CNTLN: variants seen among roughly 807,000 people sequenced by gnomAD.
CNTLN encodes centlein, centrosomal protein.
In CNTLN, 212 loss-of-function variants were observed where a neutral mutation model predicts 180.0. The observed-to-expected ratio is 1.18, with a 90% confidence interval of 1.05 to 1.32. The LOEUF (loss-of-function observed/expected upper bound fraction) is 1.32, where lower values mean the gene tolerates loss of function less well. CNTLN is among the 40% of genes most tolerant of loss of function. The pLI is 0.00. For missense variants in CNTLN, 2,095 were observed against 1,610.9 expected (o/e 1.30, Z -5.14); for synonymous variants, 722 against 563.1 (o/e 1.28, Z -3.99).
chr9:17,434,909 T>G (rs1390831050), intron 18 of CNTLN, among the ~76,000 whole-genome samples: 1 of 152,130 alleles, frequency 6.6e-6, no homozygotes, highest in Non-Finnish European at 1.5e-5. Flanking sequence ...AGTTAAGAAA[T>G]CTACTGTCAT....
intron 25 of CNTLN, among the ~76,000 whole-genome samples, chr9:17,499,786 C>A (rs533805198): frequency 6.6e-6 from 1 of 152,014 alleles, no homozygotes; most frequent in Non-Finnish European, 1.5e-5. Context: ...TTAATTATGA[C>A]TGAGCCTTAT....
At chr9:17,455,945 G>T (rs1274560175) in intron 18 of CNTLN, among the ~76,000 whole-genome samples, 1 of 152,146 alleles carries the variant, frequency 6.6e-6, no homozygotes, top group East Asian at 1.9e-4. Flanking sequence ...AACCTATGAA[G>T]GGCTTTGATT....
chr9:17,298,368 G>A lies in CNTLN; in HGVS notation c.1146+16G>A. 2 of 1,593,940 alleles carry A rather than the reference G, an allele frequency of 1.3e-6. No homozygotes were observed. The highest frequency in any genetic ancestry group is 8.5e-7 in the Non-Finnish European group (1 of 1,171,932). ...ATATCAAAAAGTATGCTTTTATTCT[G>A]TAATAAAGATGTAAATGTTTATGTA... On this transcript the variant is annotated intron_variant, in intron 7 of 25. Coordinates refer to ENST00000380647, the MANE Select transcript of CNTLN (RefSeq NM_017738.4).
At chr9:17,386,749 A>T (rs1034859515) in intron 13 of CNTLN, among the ~76,000 whole-genome samples, 5 of 152,222 alleles carry the variant, frequency 3.3e-5, no homozygotes, top group African/African-American at 4.8e-5. Flanking sequence ...ATCAGTCTTC[A>T]CCATTTACTT....
chr9:17,221,287 A>G (rs1016280087), intron 2 of CNTLN, among the ~76,000 whole-genome samples: 1 of 152,244 alleles, frequency 6.6e-6, no homozygotes, highest in East Asian at 1.9e-4. Flanking sequence ...ATAAATCAAT[A>G]AAAACACACT....
intron 2 of CNTLN, among the ~76,000 whole-genome samples, chr9:17,174,426 C>T (rs573176698): frequency 5.3e-5 from 8 of 152,184 alleles, no homozygotes; most frequent in South Asian, 4.2e-4. Flanking sequence ...CTGGGTGCAG[C>T]GGCTTATGCC....
In CNTLN at chr9:17,273,941, T is replaced by C. The variant is rs1043831057; in HGVS notation, c.983+75T>C. On this transcript the variant is annotated intron_variant, in intron 6 of 25. Coordinates refer to ENST00000380647, the MANE Select transcript of CNTLN (RefSeq NM_017738.4). ...TTCAGAATGATACCATTTATACTTA[T>C]TACTAACACCCTAAAATAATAACTA... 32 of 1,063,986 alleles carry C rather than the reference T, an allele frequency of 3.0e-5. 1 individual carries two copies. Among genetic ancestry groups the C allele is most frequent in the Admixed American group, 5.6e-5 (2 of 35,746 alleles). 65.9% of individuals were successfully genotyped at this position (1,063,986 alleles called of 1,614,324 possible).
At chr9:17,143,059 C>T (rs1272709100) in intron 1 of CNTLN, among the ~76,000 whole-genome samples, 1 of 152,164 alleles carries the variant, frequency 6.6e-6, no homozygotes, top group Non-Finnish European at 1.5e-5. Context: ...AGCATTTCAA[C>T]AGTTGCATCC....
chr9:17,135,643 C>G (rs76422101), intron 1 of CNTLN, among the ~76,000 whole-genome samples: 14,163 of 151,084 alleles, frequency 0.094, 704 homozygotes, highest in South Asian at 0.14. Flanking sequence ...TGCGGCCAGA[C>G]AGGCTTCGCC....
chr9:17,460,195 C>G (rs1479678841), intron 19 of CNTLN, among the ~76,000 whole-genome samples: 1 of 151,520 alleles, frequency 6.6e-6, no homozygotes, highest in East Asian at 1.9e-4. Flanking sequence ...AGTTACTTGT[C>G]CGAGATCACA....
At position 17,353,954 on chromosome 9, in the gene CNTLN, AC is replaced by A. The variant is rs374549099; in HGVS notation, c.1886+11513del. Among the ~76,000 whole-genome samples, 447 of 152,098 alleles carry A rather than the reference AC, an allele frequency of 2.9e-3. 4 individuals are homozygous for A. The highest frequency in any genetic ancestry group is 0.01 in the African/African-American group (423 of 41,508). ...TGTGGAGGGAGAGGCGTGAGCGGGA[AC>A]CCGGGCTGTGTGCGGTGCTTGTTGG... On this transcript the variant is annotated intron_variant, in intron 12 of 25. Coordinates refer to ENST00000380647, the MANE Select transcript of CNTLN (RefSeq NM_017738.4).
intron 18 of CNTLN, among the ~76,000 whole-genome samples, chr9:17,422,530 G>A (rs1279227205): frequency 6.6e-6 from 1 of 152,066 alleles, no homozygotes; most frequent in Non-Finnish European, 1.5e-5. Context: ...CAATTGAATC[G>A]TTCAGCTCCA....
At chr9:17,290,688 C>A (rs948384167) in intron 6 of CNTLN, among the ~76,000 whole-genome samples, 3 of 150,624 alleles carry the variant, frequency 2.0e-5, no homozygotes, top group African/African-American at 4.9e-5. Context: ...CCCTCCGAGC[C>A]AGGTGTGGGA....
chr9:17,137,743 T>C (rs940912021), intron 1 of CNTLN, among the ~76,000 whole-genome samples: 32 of 152,332 alleles, frequency 2.1e-4, no homozygotes, highest in South Asian at 4.1e-4. Context: ...ATTCAACTTA[T>C]GGGAATTCAG....
intron 5 of CNTLN, among the ~76,000 whole-genome samples, chr9:17,267,777 A>G (rs1229815433): frequency 6.6e-6 from 1 of 151,756 alleles, no homozygotes; most frequent in African/African-American, 2.4e-5. Context: ...TTCTCACTTC[A>G]TTTCATTCAT....
chr9:17,360,929 G>A (rs1823330841), intron 12 of CNTLN, among the ~76,000 whole-genome samples: 1 of 152,106 alleles, frequency 6.6e-6, no homozygotes, highest in Admixed American at 6.6e-5. Flanking sequence ...AAAACATTCA[G>A]TTAGGTCAAG....
At chr9:17,445,070 C>G (rs1291810490) in intron 18 of CNTLN, among the ~76,000 whole-genome samples, 2 of 151,842 alleles carry the variant, frequency 1.3e-5, no homozygotes, top group Non-Finnish European at 2.9e-5. Flanking sequence ...TTTATTTTAT[C>G]AAATCCAAAG....
intron 5 of CNTLN, among the ~76,000 whole-genome samples, chr9:17,266,594 G>A (rs1050126498): frequency 6.6e-6 from 1 of 152,108 alleles, no homozygotes; most frequent in Non-Finnish European, 1.5e-5. Flanking sequence ...GGGTATCCTT[G>A]TTAACTTTCT....
chr9:17,234,414 G>C (rs1825007559), intron 3 of CNTLN, among the ~76,000 whole-genome samples: 2 of 150,930 alleles, frequency 1.3e-5, no homozygotes. Flanking sequence ...CTGCACTCCA[G>C]AGTGGGTGAC....
Sources: allele counts gnomAD v4.1 joint callset (sites outside exome capture counted in the v4.1 genomes callset), GRCh38; gene constraint gnomAD v4.1.1; transcripts MANE v1.5; gene names NCBI Gene and HGNC (gene_info 2026-07-23, HGNC 2026-07-21).